The following OOSP1 variants were observed in gnomAD, a reference collection of about 807,000 sequenced individuals.
OOSP1 encodes oocyte secreted protein 1.
A neutral mutation model predicts 5.7 loss-of-function variants in OOSP1; 11 were observed. The observed-to-expected ratio is 1.94, with a 90% CI of 1.22 to 3.20. OOSP1 has a LOEUF of 3.20. OOSP1 is among the 30% of genes most tolerant of loss of function. OOSP1 has a pLI of 0.00. For synonymous variants in OOSP1, 44 were observed against 20.0 expected (o/e 2.20, Z -3.20); for missense variants, 83 against 54.1 (o/e 1.53, Z -1.67).
intron 4 of OOSP1, chr11:59,948,671 C>T (rs966312302): frequency 2.8e-5 from 11 of 397,428 alleles, no homozygotes; most frequent in South Asian, 1.3e-4. Flanking sequence ...TACATTGGGA[C>T]GTATATTTTA....
chr11:59,954,932 A>T (rs1169672891), intron 4 of OOSP1, among the ~76,000 whole-genome samples: 1 of 151,964 alleles, frequency 6.6e-6, no homozygotes, highest in African/African-American at 2.4e-5. Flanking sequence ...ATGTAAAAAA[A>T]TTGTAAGAAT....
intron 4 of OOSP1, among the ~76,000 whole-genome samples, chr11:59,953,285 T>C (rs1213062409): frequency 2.0e-5 from 3 of 152,130 alleles, no homozygotes. Flanking sequence ...TTTCCCCTGT[T>C]GGCTTCCTTG....
At chr11:59,940,347 G>A (rs1853812270) in intron 1 of OOSP1, among the ~76,000 whole-genome samples, 1 of 152,204 alleles carries the variant, frequency 6.6e-6, no homozygotes, top group Non-Finnish European at 1.5e-5. Context: ...TAGAGTTGAA[G>A]TCCCTGTGGT....
intron 4 of OOSP1, among the ~76,000 whole-genome samples, chr11:59,955,306 G>A (rs1230946954): frequency 1.3e-5 from 2 of 151,858 alleles, no homozygotes; most frequent in African/African-American, 4.8e-5. Flanking sequence ...GACTTCTTAA[G>A]GGCCAATATC....
At chr11:59,951,810 C>A (rs1853943686) in intron 4 of OOSP1, among the ~76,000 whole-genome samples, 1 of 111,916 alleles carries the variant, frequency 8.9e-6, no homozygotes, top group African/African-American at 3.5e-5. Flanking sequence ...TAGCTGACAA[C>A]CACTATTTGG....
At position 59,954,828 on chromosome 11, in the gene OOSP1, C is replaced by T. The variant is rs541475401; in HGVS notation, c.487-2367C>T. On this transcript the variant is annotated intron_variant, in intron 4 of 4. Transcript: ENST00000646685. ...CTCATATAGAATTATCTGAGTATAC[C>T]TCTATACTTGTCAAATTCTGAAGCC... 1.3e-3 allele frequency among the ~76,000 whole-genome samples: 204 copies of T among 152,114 alleles called. 1 individual carries two copies. The highest frequency in any genetic ancestry group is 4.6e-3 in the African/African-American group (193 of 41,518).
At chr11:59,948,651 A>G (rs1853910917) in intron 4 of OOSP1, 1 of 397,080 alleles carries the variant, frequency 2.5e-6, no homozygotes, top group Non-Finnish European at 4.4e-6. Flanking sequence ...AGAAGTAGGG[A>G]AGTAATGTTT....
chr11:59,945,749 TCAA>T (rs1458611951), intron 3 of OOSP1, among the ~76,000 whole-genome samples: 2 of 20,362 alleles, frequency 9.8e-5, no homozygotes, highest in African/African-American at 4.0e-4. Context: ...AGACTCTGTC[TCAA>T]AAAAAAAAAA....
chr11:59,942,699 A>T (rs1853842489), intron 1 of OOSP1, 148 bp from the exon 2 acceptor site: 2 of 573,342 alleles, frequency 3.5e-6, no homozygotes, highest in Non-Finnish European at 6.2e-6. Flanking sequence ...TAATTCAGAG[A>T]CCATGTTTTG....
At position 59,939,636 on chromosome 11, in the gene OOSP1, C is replaced by T. The variant is rs189910606; in HGVS notation, c.76+1106C>T. ...CTCTTCCTCTTCCCTTTCTATTACT[C>T]TTCCCTTTCTCTTCCTCTTCTTTCT... On this transcript the variant is annotated intron_variant, in intron 1 of 4. Transcript: ENST00000646685. Among the ~76,000 whole-genome samples, 508 of 143,974 alleles carry T rather than the reference C, an allele frequency of 3.5e-3. 1 individual carries two copies. Among genetic ancestry groups the T allele is most frequent in the African/African-American group, 0.013 (496 of 38,834 alleles). 94.5% of individuals were successfully genotyped at this position (143,974 alleles called of 152,430 possible).
chr11:59,944,580 A>G (rs894091691), intron 2 of OOSP1, among the ~76,000 whole-genome samples: 27 of 152,094 alleles, frequency 1.8e-4, no homozygotes, highest in Admixed American at 1.5e-3. Flanking sequence ...ACCATATGCT[A>G]AATGTTCTTA....
chr11:59,953,446 T>C (rs1411195155), intron 4 of OOSP1, among the ~76,000 whole-genome samples: 3 of 152,160 alleles, frequency 2.0e-5, no homozygotes, highest in Non-Finnish European at 2.9e-5. Flanking sequence ...AATGTACTGA[T>C]GTGTTCTTGT....
At chr11:59,950,510 A>G (rs1853929323) in intron 4 of OOSP1, among the ~76,000 whole-genome samples, 1 of 152,192 alleles carries the variant, frequency 6.6e-6, no homozygotes, top group Admixed American at 6.5e-5. Flanking sequence ...CCTTTGAATG[A>G]GCCAAAGAGA....
intron 3 of OOSP1, among the ~76,000 whole-genome samples, chr11:59,947,335 C>A (rs1206624110): frequency 6.6e-6 from 1 of 151,932 alleles, no homozygotes; most frequent in African/African-American, 2.4e-5. Flanking sequence ...TTTGTTCAGG[C>A]CGATCTTGAA....
At chr11:59,940,187 G>A (rs1035346648) in intron 1 of OOSP1, among the ~76,000 whole-genome samples, 1 of 152,166 alleles carries the variant, frequency 6.6e-6, no homozygotes, top group East Asian at 1.9e-4. Flanking sequence ...CTTTTATTAG[G>A]AACTATTTAA....
At chr11:59,946,390 G>C (rs572445493) in intron 3 of OOSP1, among the ~76,000 whole-genome samples, 1 of 152,210 alleles carries the variant, frequency 6.6e-6, no homozygotes, top group Admixed American at 6.5e-5. Flanking sequence ...ATTCGTGAAG[G>C]GTCCACCTCC....
At chr11:59,954,733 C>T (rs1323782037) in intron 4 of OOSP1, among the ~76,000 whole-genome samples, 1 of 151,518 alleles carries the variant, frequency 6.6e-6, no homozygotes, top group Non-Finnish European at 1.5e-5. Context: ...TTACTCTTTC[C>T]CTGGGTTTAT....
At chr11:59,943,581 T>G (rs1206874465) in intron 2 of OOSP1, among the ~76,000 whole-genome samples, 1 of 152,204 alleles carries the variant, frequency 6.6e-6, no homozygotes, top group Non-Finnish European at 1.5e-5. Context: ...GAGTTGAAGG[T>G]TTTGAAGGAA....
exon 3 of OOSP1, chr11:59,945,264 C>A (rs1387362685): frequency 8.5e-6 from 6 of 702,878 alleles, no homozygotes; most frequent in Non-Finnish European, 1.6e-5. Context: ...GTGTCGTCCA[C>A]AAGTGAGTAT....
Sources: allele counts gnomAD v4.1 joint callset (sites outside exome capture counted in the v4.1 genomes callset), GRCh38; gene constraint gnomAD v4.1.1; transcripts MANE v1.5; gene names NCBI Gene and HGNC (gene_info 2026-07-23, HGNC 2026-07-21).